Variants in RFX2 observed in about 807,000 individuals in gnomAD.
RFX2 encodes the protein DNA-binding protein RFX2.
RFX2 carries 20 observed loss-of-function variants against 87.8 expected under a neutral mutation model. The ratio of observed to expected loss-of-function variants is 0.23; its 90% CI spans 0.16 to 0.33. The LOEUF (loss-of-function observed/expected upper bound fraction) is 0.33, where lower values mean the gene tolerates loss of function less well. Ranked by LOEUF, RFX2 falls within the 10% of genes least tolerant of loss-of-function variation. The pLI is 1.00. For missense variants in RFX2, 767 were observed against 1,012.3 expected (o/e 0.76, Z 3.29); for synonymous variants, 397 against 431.3 (o/e 0.92, Z 0.98).
chr19:6,080,202 A>ATGTGTGTGTGTGTGTGTGTG (rs368062995), intron 1 of RFX2, among the ~76,000 whole-genome samples: 136 of 138,502 alleles, frequency 9.8e-4, no homozygotes, highest in African/African-American at 3.4e-3. Context: ...TGCCTGGTTA[A>ATGTGTGTGTGTGTGTGTGTG]TGTGTGTGTG....
In RFX2 at chr19:6,022,770, G is replaced by T. The variant is rs949089231; in HGVS notation, c.597+3393C>A. Among the ~76,000 whole-genome samples, 3 of 152,242 alleles carry T rather than the reference G, an allele frequency of 2.0e-5. No homozygotes were observed. The highest frequency in any genetic ancestry group is 4.8e-5 in the African/African-American group (2 of 41,474). ...AGGCTGACCATCAGCTGGCTGGAAG[G>T]TTCTTCCAATGTGCAGACCTCCAGG... On this transcript the variant is annotated intron_variant, in intron 6 of 17. Transcript: ENST00000303657. The surrounding 1 kb of genome is among the most constrained non-coding windows in gnomAD (Gnocchi z 6.2).
chr19:6,106,200 C>A (rs2088213697), intron 1 of RFX2, among the ~76,000 whole-genome samples: 3 of 151,864 alleles, frequency 2.0e-5, no homozygotes, highest in African/African-American at 4.8e-5. Flanking sequence ...AGTTTTTTCT[C>A]TAATTCCCAG....
intron 1 of RFX2, among the ~76,000 whole-genome samples, chr19:6,078,921 A>G (rs1018798014): frequency 6.6e-6 from 1 of 152,214 alleles, no homozygotes; most frequent in Non-Finnish European, 1.5e-5. Flanking sequence ...GATTACAGGC[A>G]CATGCCACCA....
chr19:6,083,782 G>A lies in RFX2; in HGVS notation c.-9+26611C>T, dbSNP rs1460232329. On this transcript the variant is annotated intron_variant, in intron 1 of 17. Coordinates refer to ENST00000303657, the MANE Select transcript of RFX2 (RefSeq NM_000635.4). The surrounding 1 kb of genome is among the most constrained non-coding windows in gnomAD (Gnocchi z 4.6). ...AGATGGGGTCTCACCATCTTGCCCA[G>A]GCTGTGACCCCTATCTTGGATGGCC... is the stretch of plus-strand genomic sequence containing the variant. Among the ~76,000 whole-genome samples, 1 of 151,992 alleles carries A rather than the reference G, an allele frequency of 6.6e-6. No individual in the cohort carries two copies. Among genetic ancestry groups the A allele is most frequent in the African/African-American group, 2.4e-5 (1 of 41,366 alleles).
rs79314920 is a variant in RFX2, at chr19:5,994,322, C to G, written c.*513G>C. 17,495 of 153,334 alleles carry G rather than the reference C, an allele frequency of 0.11. 1,074 individuals are homozygous for G. Among genetic ancestry groups the G allele is most frequent in the Middle Eastern group, 0.19 (56 of 294 alleles). The allele number at this position is 153,334 out of a possible 1,614,324, so 9.5% of individuals were successfully genotyped here. ...CTACCAGACAAGGGCACTCCACTTTCCATTCCTGAGGGGACTCCAGGGACG... is the reference window on the plus strand; with the variant it reads ...CTACCAGACAAGGGCACTCCACTTTGCATTCCTGAGGGGACTCCAGGGACG... On this transcript the variant is annotated 3_prime_UTR_variant, in exon 18 of 18. Coordinates refer to ENST00000303657, the MANE Select transcript of RFX2 (RefSeq NM_000635.4).
chr19:5,997,000 A>G (rs1376340817), intron 16 of RFX2, 60 bp downstream of exon 16: 1 of 1,543,628 alleles, frequency 6.5e-7, no homozygotes, highest in Non-Finnish European at 8.7e-7. Context: ...CTCAGAGCAC[A>G]CCGCCCTCTC....
Position 6,026,365 on chromosome 19 carries a change from T to C in RFX2, c.523-128A>G, listed in dbSNP as rs2086888818. 2.5e-6 allele frequency: 2 copies of C among 788,412 alleles called. No homozygotes were observed. The highest frequency in any genetic ancestry group is 1.8e-5 in the African/African-American group (1 of 57,008). The allele number at this position is 788,412 out of a possible 1,614,324, so 48.8% of individuals were successfully genotyped here. ...AATAATGATTCGAGCTCCTACAAAA[T>C]AAAAATGAGGCTCCACGCAGGCAGG... On this transcript the variant is annotated intron_variant, in intron 5 of 17. Coordinates refer to ENST00000303657, the MANE Select transcript of RFX2 (RefSeq NM_000635.4). The surrounding 1 kb of genome is among the most constrained non-coding windows in gnomAD (Gnocchi z 4.5).
chr19:6,042,371 G>A (rs1274348660), intron 3 of RFX2, among the ~76,000 whole-genome samples: 1 of 152,158 alleles, frequency 6.6e-6, no homozygotes, highest in Non-Finnish European at 1.5e-5. Flanking sequence ...GCGTGTCTGT[G>A]CGCCCTGGCT....
intron 1 of RFX2, among the ~76,000 whole-genome samples, chr19:6,084,716 C>T (rs975320617): frequency 2.0e-5 from 3 of 151,180 alleles, no homozygotes; most frequent in Non-Finnish European, 4.4e-5. Context: ...CTCTCTGCAA[C>T]CTCTGCCTCC....
intron 1 of RFX2, among the ~76,000 whole-genome samples, chr19:6,085,790 T>C (rs1240757655): frequency 6.6e-6 from 1 of 152,102 alleles, no homozygotes; most frequent in African/African-American, 2.4e-5. Flanking sequence ...TTTTTGTGTA[T>C]GTTATAAAAT....
intron 16 of RFX2, among the ~76,000 whole-genome samples, 181 bp from the exon 17 acceptor site, chr19:5,995,824 C>T (rs2086399058): frequency 6.6e-6 from 1 of 152,170 alleles, no homozygotes; most frequent in African/African-American, 2.4e-5. Context: ...TCCCTGTGCC[C>T]TGTCCAGGCC....
chr19:6,008,181 G>A lies in RFX2; in HGVS notation c.1059C>T (p.Gly353=). 6.4e-7 allele frequency: 1 copy of A among 1,560,750 alleles called. No homozygotes were observed. Among genetic ancestry groups the A allele is most frequent in the Non-Finnish European group, 8.7e-7 (1 of 1,150,302 alleles). The change falls in exon 10 of 18, where the codon GGC becomes GGT. Residue 353 remains glycine (G), a synonymous_variant. Coordinates refer to ENST00000303657, the MANE Select transcript of RFX2 (RefSeq NM_000635.4). The part of the protein sequence containing the change: ...VFPEFPAPDL[G]SFLLQDGVTL... ...TGACGCCGTCCTGCAGCAGGAAGCT[G>A]CCCAGGTCGGGCGCTGGGAACTCGG...
In RFX2 at chr19:6,013,477, C is replaced by T. The variant is rs1038153922; in HGVS notation, c.780-372G>A. Among the ~76,000 whole-genome samples the T allele has an allele frequency of 6.7e-6, 1 of 150,288 alleles. No individual in the cohort carries two copies. The highest frequency in any genetic ancestry group is 1.5e-5 in the Non-Finnish European group (1 of 67,786). On this transcript the variant is annotated intron_variant, in intron 7 of 17. Coordinates refer to ENST00000303657, the MANE Select transcript of RFX2 (RefSeq NM_000635.4). The surrounding 1 kb of genome is among the most constrained non-coding windows in gnomAD (Gnocchi z 4.1). ...CTGGGATTACAGGCGTGAGCCACTGCGCCTGGCCTCTTCTCTCTTTTTTTT... is the reference window on the plus strand; with the variant it reads ...CTGGGATTACAGGCGTGAGCCACTGTGCCTGGCCTCTTCTCTCTTTTTTTT...
chr19:6,105,935 C>G (rs2088210064), intron 1 of RFX2, among the ~76,000 whole-genome samples: 1 of 152,098 alleles, frequency 6.6e-6, no homozygotes, highest in Admixed American at 6.6e-5. Flanking sequence ...CAGAATCCAC[C>G]TGGATGTACC....
chr19:6,078,395 G>A (rs1476783612), intron 1 of RFX2: 1 of 148,560 alleles, frequency 6.7e-6, no homozygotes, highest in Non-Finnish European at 1.5e-5. Context: ...ATTAGTTTAA[G>A]TCATAAAAAT....
intron 12 of RFX2, among the ~76,000 whole-genome samples, chr19:6,006,092 C>T (rs912332928): frequency 3.9e-5 from 6 of 152,342 alleles, no homozygotes; most frequent in African/African-American, 1.4e-4. Context: ...GTGACCTTCC[C>T]CTCGAGTCAG....
chr19:5,993,592 CAA>C lies in RFX2; in HGVS notation c.*1241_*1242del, dbSNP rs1466741059. ...AAAACTATTGGTATAAACATTTTTCCAAAAAGAGAAAACTATTGCATTTCGTT... is the reference window on the plus strand; with the variant it reads ...AAAACTATTGGTATAAACATTTTTCCAAAGAGAAAACTATTGCATTTCGTT... On this transcript the variant is annotated 3_prime_UTR_variant, in exon 18 of 18. Coordinates refer to ENST00000303657, the MANE Select transcript of RFX2 (RefSeq NM_000635.4). 1 of 152,106 alleles carries C rather than the reference CAA, an allele frequency of 6.6e-6. No homozygotes were observed. The highest frequency in any genetic ancestry group is 1.5e-5 in the Non-Finnish European group (1 of 68,018). The allele number at this position is 152,106 out of a possible 1,614,324, so 9.4% of individuals were successfully genotyped here. A position where few individuals can be genotyped will look rare whatever the true frequency, so the allele number is the denominator to read the frequency against.
rs1033113061 is a variant in RFX2, at chr19:6,012,173, G to C, written c.899+813C>G. ...GATGAGAAAGTTTGTGATGGATGGA[G>C]AAGAGGATCTTCCAGAAAATAACCA... On this transcript the variant is annotated intron_variant, in intron 8 of 17. Transcript: ENST00000303657. The surrounding 1 kb of genome is among the most constrained non-coding windows in gnomAD (Gnocchi z 4.6). 2.0e-5 allele frequency: 3 copies of C among 152,260 alleles called. No homozygotes were observed. The highest frequency in any genetic ancestry group is 7.2e-5 in the African/African-American group (3 of 41,466). 9.4% of individuals were successfully genotyped at this position (152,260 alleles called of 1,614,324 possible).
At chr19:6,054,996 A>G (rs939642688) in intron 1 of RFX2, among the ~76,000 whole-genome samples, 4 of 152,232 alleles carry the variant, frequency 2.6e-5, no homozygotes, top group Non-Finnish European at 5.9e-5. Flanking sequence ...CTACATCTAT[A>G]TCTATATATA....
Sources: gnomAD v4.1 joint callset for allele counts (sites outside exome capture counted in the v4.1 genomes callset) on GRCh38, gnomAD v4.1.1 for gene constraint, Gnocchi (gnomAD v3.1) non-coding constraint, MANE v1.5 for transcripts, NCBI Gene and HGNC (gene_info 2026-07-23, HGNC 2026-07-21) for gene names.